Variants in SGO1 observed in about 807,000 individuals in gnomAD.
The protein encoded by SGO1 is shugoshin 1.
Under a neutral mutation model 50.5 loss-of-function variants are expected in SGO1, and 39 were observed. The ratio of observed to expected loss-of-function variants is 0.77; its 90% confidence interval spans 0.60 to 1.01. The LOEUF is 1.01. Among genes scored for constraint, SGO1 ranks in the 50% least tolerant of loss-of-function variants. The probability of loss-of-function intolerance (pLI) is 0.00; values close to 1 mark genes in which losing one functional copy is unlikely to be tolerated. For missense variants in SGO1, 638 were observed against 606.0 expected (o/e 1.05, Z -0.55); for synonymous variants, 191 against 205.1 (o/e 0.93, Z 0.59).
chr3:20,165,082 T>C (rs1412651141), downstream of SGO1, among the ~76,000 whole-genome samples: 2 of 152,224 alleles, frequency 1.3e-5, no homozygotes, highest in African/African-American at 4.8e-5. Flanking sequence ...GAAAAAATGT[T>C]TATTTGGCTT....
At chr3:20,181,161 A>C (rs1701975975) in intron 3 of SGO1, among the ~76,000 whole-genome samples, 1 of 152,314 alleles carries the variant, frequency 6.6e-6, no homozygotes, top group Non-Finnish European at 1.5e-5. Flanking sequence ...TCCACCCCCA[A>C]CCTACCCTGG....
At chr3:20,180,426 T>G (rs1386219953) in intron 3 of SGO1, among the ~76,000 whole-genome samples, 1 of 152,218 alleles carries the variant, frequency 6.6e-6, no homozygotes, top group African/African-American at 2.4e-5. Flanking sequence ...AGAGGTTTCA[T>G]TACTTTTTCT....
intron 6 of SGO1, 65 bp downstream of exon 6, chr3:20,174,184 T>C (rs1701089846): frequency 4.0e-6 from 5 of 1,237,124 alleles, no homozygotes; most frequent in Non-Finnish European, 4.7e-6. Flanking sequence ...GTATAGTATA[T>C]AAGCATCAGG....
At chr3:20,173,147 T>C (rs1700962657) in intron 6 of SGO1, among the ~76,000 whole-genome samples, 1 of 152,082 alleles carries the variant, frequency 6.6e-6, no homozygotes, top group Non-Finnish European at 1.5e-5. Flanking sequence ...TTTTTTTTTT[T>C]TGAGACTGAG....
intron 6 of SGO1, among the ~76,000 whole-genome samples, chr3:20,173,393 GC>G (rs1314532052): frequency 1.3e-5 from 2 of 152,134 alleles, no homozygotes; most frequent in African/African-American, 4.8e-5. Flanking sequence ...GCCCACCTCA[GC>G]CTCCCAAAGT....
At chr3:20,175,206 A>T in intron 5 of SGO1, 151 bp from the exon 6 acceptor site, 1 of 759,384 alleles carries the variant, frequency 1.3e-6, no homozygotes, top group East Asian at 3.2e-5. Flanking sequence ...AAAACCTGGG[A>T]ACTTAAATAT....
At chr3:20,165,858 C>T (rs867108574), downstream of SGO1, among the ~76,000 whole-genome samples, 4 of 152,258 alleles carry the variant, frequency 2.6e-5, no homozygotes, top group Middle Eastern at 3.4e-3. Context: ...TTGAGACCAG[C>T]CTGGCCAACA....
rs374022493 is a variant in SGO1, at chr3:20,183,966, C to A, written c.62G>T (p.Arg21Leu). 4 of 1,612,630 alleles carry A rather than the reference C, an allele frequency of 2.5e-6. No homozygotes were observed. The highest frequency in any genetic ancestry group is 1.3e-5 in the African/African-American group (1 of 74,868). ...FQDSLEDIKKRMKEKRNKNLA... is the reference protein window; with the variant it reads ...FQDSLEDIKKLMKEKRNKNLA... ...GTTTTTATTCCTTTTCTCTTTCATT[C>A]GCTTCTTTATGTCTTCAAGACTATC... Residue 21 changes from arginine (R) to leucine (L), a missense_variant, in exon 2 of 8, where the codon CGA (arginine) becomes CTA (leucine). Physicochemically the swap from Arg to Leu is moderately radical, Grantham distance 102 (BLOSUM62 -2). Coordinates refer to ENST00000412997, the MANE Select transcript of SGO1 (RefSeq NM_001199251.3).
At chr3:20,181,026 C>T (rs374888604) in intron 3 of SGO1, among the ~76,000 whole-genome samples, 1 of 152,166 alleles carries the variant, frequency 6.6e-6, no homozygotes, top group African/African-American at 2.4e-5. Context: ...ATTCAGGAGG[C>T]TGAGATGGGA....
At chr3:20,165,149 T>G (rs1032319055), downstream of SGO1, among the ~76,000 whole-genome samples, 1 of 152,240 alleles carries the variant, frequency 6.6e-6, no homozygotes, top group African/African-American at 2.4e-5. Flanking sequence ...CTGCTTCCAC[T>G]CATGGTAGAA....
chr3:20,184,663 A>C lies in SGO1; in HGVS notation c.-7-629T>G, dbSNP rs1005127040. The stretch of plus-strand genomic sequence containing the variant: ...ATTGTAACAAGTACAGAGCTAGAGC[A>C]GGAACTTGGGCAGAGGAACACTCTA... On this transcript the variant is annotated intron_variant, in intron 1 of 7. Coordinates refer to ENST00000412997, the MANE Select transcript of SGO1 (RefSeq NM_001199251.3). 4.6e-5 allele frequency among the ~76,000 whole-genome samples: 7 copies of C among 152,232 alleles called. No individual in the cohort carries two copies. The East Asian group carries it at 1.3e-3, about 29-fold the overall frequency.
chr3:20,183,543 T>A (rs1405575346), intron 3 of SGO1, 65 bp downstream of exon 3: 5 of 1,261,222 alleles, frequency 4.0e-6, no homozygotes, highest in South Asian at 1.5e-5. Flanking sequence ...AATAACATAA[T>A]TGATCTAAAC....
chr3:20,178,641 T>A (rs1038613737), intron 3 of SGO1, among the ~76,000 whole-genome samples: 1 of 152,226 alleles, frequency 6.6e-6, no homozygotes, highest in African/African-American at 2.4e-5. Flanking sequence ...TCAGGTTGGA[T>A]TGCTCTTTTA....
At chr3:20,160,944 A>G in exon 9 of SGO1, 1 of 1,065,546 alleles carries the variant, frequency 9.4e-7, no homozygotes, top group East Asian at 2.8e-5. Context: ...TCTCTAATTA[A>G]AGGGCTTAGA....
intron 4 of SGO1, 77 bp from the exon 5 acceptor site, chr3:20,176,736 A>G (rs889959535): frequency 3.0e-6 from 3 of 1,004,864 alleles, no homozygotes; most frequent in East Asian, 5.4e-5. Flanking sequence ...CTAAATTATA[A>G]TTTTTCTTTC....
At chr3:20,174,175 T>C in intron 6 of SGO1, 74 bp downstream of exon 6, 1 of 1,144,014 alleles carries the variant, frequency 8.7e-7, no homozygotes, top group Non-Finnish European at 1.3e-6. Context: ...AGATGGTAAG[T>C]ATAGTATATA....
intron 3 of SGO1, among the ~76,000 whole-genome samples, chr3:20,179,372 G>A (rs1198247377): frequency 6.6e-6 from 1 of 152,134 alleles, no homozygotes; most frequent in African/African-American, 2.4e-5. Flanking sequence ...GGCATCAGCA[G>A]ACAGACAGTA....
Position 20,170,779 on chromosome 3 carries a change from A to C in SGO1, c.1509T>G (p.Cys503Trp), listed in dbSNP as rs776052006. ...GCTTGAAAATAGGAGAATTCAAAAA[A>C]CACAAATCTGTAAAAGGGTCCCCTC... ...LRRGDPFTDL[C>W]FLNSPIFKQK... The change falls in exon 8 of 8, where the codon TGT becomes TGG. Residue 503 changes from cysteine (C) to tryptophan (W), a missense_variant. Transcript: ENST00000412997. 3.8e-6 allele frequency: 6 copies of C among 1,596,970 alleles called. No homozygotes were observed. The highest frequency in any genetic ancestry group is 4.3e-6 in the Non-Finnish European group (5 of 1,176,228).
chr3:20,184,555 A>G (rs1395671146), intron 1 of SGO1, among the ~76,000 whole-genome samples: 1 of 152,198 alleles, frequency 6.6e-6, no homozygotes, highest in Non-Finnish European at 1.5e-5. Context: ...ATTATCACTT[A>G]TGATATGCAC....
Sources: gnomAD v4.1 joint callset for allele counts (sites outside exome capture counted in the v4.1 genomes callset) on GRCh38, gnomAD v4.1.1 for gene constraint, MANE v1.5 for transcripts, NCBI Gene and HGNC (gene_info 2026-07-23, HGNC 2026-07-21) for gene names.